Variants in CYP19A1 observed in about 807,000 individuals in gnomAD.
The protein encoded by CYP19A1 is aromatase.
In CYP19A1, 32 loss-of-function variants were observed where a neutral mutation model predicts 44.4. The ratio of observed to expected loss-of-function variants is 0.72; its 90% CI spans 0.54 to 0.97. The LOEUF (loss-of-function observed/expected upper bound fraction) is 0.97, where lower values mean the gene tolerates loss of function less well. Ranked by LOEUF, CYP19A1 falls within the 50% of genes least tolerant of loss-of-function variation. CYP19A1 has a pLI of 0.00. For missense variants in CYP19A1, 598 were observed against 637.8 expected (o/e 0.94, Z 0.67); for synonymous variants, 212 against 215.6 (o/e 0.98, Z 0.14).
intron 1 of CYP19A1, among the ~76,000 whole-genome samples, chr15:51,336,298 G>A (rs1205053171): frequency 6.6e-6 from 1 of 152,178 alleles, no homozygotes; most frequent in African/African-American, 2.4e-5. Flanking sequence ...ACAGTTCCTG[G>A]CAGATAGTAG....
intron 1 of CYP19A1, among the ~76,000 whole-genome samples, chr15:51,262,236 T>C (rs2034751554): frequency 6.6e-6 from 1 of 152,252 alleles, no homozygotes; most frequent in Non-Finnish European, 1.5e-5. Context: ...AGGAATACTT[T>C]TAGTAAATCT....
intron 2 of CYP19A1, among the ~76,000 whole-genome samples, chr15:51,239,411 A>G (rs1452858808): frequency 6.6e-6 from 1 of 152,192 alleles, no homozygotes; most frequent in Non-Finnish European, 1.5e-5. Flanking sequence ...TCAACAGTGG[A>G]ACTGGCAATT....
chr15:51,246,726 C>T (rs1364255549), intron 1 of CYP19A1, among the ~76,000 whole-genome samples: 3 of 152,144 alleles, frequency 2.0e-5, no homozygotes, highest in Non-Finnish European at 4.4e-5. Context: ...GGAGGCAGGC[C>T]CTGGCCTTGT....
In CYP19A1 at chr15:51,294,683, G is replaced by T. The variant is rs560436825; in HGVS notation, c.-39+43812C>A. Among the ~76,000 whole-genome samples, 752 of 128,614 alleles carry T rather than the reference G, an allele frequency of 5.8e-3. 19 individuals are homozygous for T. The highest frequency in any genetic ancestry group is 8.8e-3 in the Non-Finnish European group (557 of 63,108). 84.4% of individuals were successfully genotyped at this position (128,614 alleles called of 152,430 possible). ...CCGCCCCGTCCGGGAGGGAGGTGGGGGGTCAGCCCCCCGCCCGGCCAGCCG... is the reference window on the plus strand; with the variant it reads ...CCGCCCCGTCCGGGAGGGAGGTGGGTGGTCAGCCCCCCGCCCGGCCAGCCG... On this transcript the variant is annotated intron_variant, in intron 1 of 9. Coordinates refer to ENST00000396402, the MANE Select transcript of CYP19A1 (RefSeq NM_000103.4).
At chr15:51,271,739 C>T in intron 1 of CYP19A1, among the ~76,000 whole-genome samples, 1 of 152,250 alleles carries the variant, frequency 6.6e-6, no homozygotes, top group East Asian at 1.9e-4. Context: ...TCTGTGGCTA[C>T]TGCCACTCTT....
At chr15:51,326,135 G>A (rs1384559068) in intron 1 of CYP19A1, among the ~76,000 whole-genome samples, 1 of 152,094 alleles carries the variant, frequency 6.6e-6, no homozygotes, top group African/African-American at 2.4e-5. Flanking sequence ...ATAAGTCAGA[G>A]GTGTCTATAA....
chr15:51,214,440 T>G (rs1444133496), intron 8 of CYP19A1, among the ~76,000 whole-genome samples: 1 of 152,092 alleles, frequency 6.6e-6, no homozygotes, highest in Non-Finnish European at 1.5e-5. Context: ...ATCACTGGAT[T>G]GGAGTGGAGA....
intron 5 of CYP19A1, among the ~76,000 whole-genome samples, chr15:51,220,035 G>A (rs968584090): frequency 6.6e-6 from 1 of 152,192 alleles, no homozygotes; most frequent in Non-Finnish European, 1.5e-5. Flanking sequence ...AATAGGGAGG[G>A]CTTATAGCTT....
chr15:51,247,330 C>G (rs1417651723), intron 1 of CYP19A1, among the ~76,000 whole-genome samples: 1 of 152,190 alleles, frequency 6.6e-6, no homozygotes. Context: ...TCTGTCTTCT[C>G]CATGTCTGAA....
At chr15:51,338,372 TC>T (rs1178520643) in intron 1 of CYP19A1, 122 bp downstream of exon 1, 4 of 152,100 alleles carry the variant, frequency 2.6e-5, no homozygotes, top group Non-Finnish European at 4.4e-5. Context: ...TAGGGGATTT[TC>T]CCCCACACAC....
At chr15:51,323,709 T>C (rs542052573) in intron 1 of CYP19A1, 3 of 152,378 alleles carry the variant, frequency 2.0e-5, no homozygotes, top group Admixed American at 2.0e-4. Context: ...GTCATCTTCA[T>C]CTCAGCCCTG....
At chr15:51,227,611 AGTGAGCCAAGGTC>A (rs1047361088) in intron 4 of CYP19A1, among the ~76,000 whole-genome samples, 155 bp downstream of exon 4, 20 of 152,054 alleles carry the variant, frequency 1.3e-4, no homozygotes, top group Non-Finnish European at 2.5e-4. Flanking sequence ...CGGAGGTTAC[AGTGAGCCAAGGTC>A]GTGAGCCAAG....
At chr15:51,252,470 T>C (rs1453267185) in intron 1 of CYP19A1, among the ~76,000 whole-genome samples, 1 of 152,240 alleles carries the variant, frequency 6.6e-6, no homozygotes, top group Non-Finnish European at 1.5e-5. Context: ...ACAATTTCTC[T>C]TGAAGATTTT....
intron 1 of CYP19A1, chr15:51,318,619 C>T (rs917455619): frequency 3.9e-5 from 6 of 152,254 alleles, no homozygotes; most frequent in African/African-American, 1.4e-4. Context: ...TCCTGGGACT[C>T]TTAGTCTTGG....
At chr15:51,286,310 C>T (rs2035697183) in intron 1 of CYP19A1, among the ~76,000 whole-genome samples, 1 of 152,184 alleles carries the variant, frequency 6.6e-6, no homozygotes, top group Non-Finnish European at 1.5e-5. Context: ...TCTCTTCTAC[C>T]TCTCCACACA....
At chr15:51,289,450 C>A (rs1166156716) in intron 1 of CYP19A1, among the ~76,000 whole-genome samples, 1 of 152,288 alleles carries the variant, frequency 6.6e-6, no homozygotes, top group African/African-American at 2.4e-5. Flanking sequence ...CAGACCCACA[C>A]TCTCACCCAC....
At chr15:51,211,818 T>G (rs1222263032) in intron 9 of CYP19A1, 1 of 308,636 alleles carries the variant, frequency 3.2e-6, no homozygotes, top group African/African-American at 2.2e-5. Flanking sequence ...CTGTCTCTCT[T>G]CTAATTATTA....
chr15:51,299,731 T>A (rs1013109987), intron 1 of CYP19A1, among the ~76,000 whole-genome samples: 1 of 152,216 alleles, frequency 6.6e-6, no homozygotes, highest in African/African-American at 2.4e-5. Context: ...TTATCCTAGC[T>A]TCGATGCTCA....
At chr15:51,302,638 C>G (rs923291421) in intron 1 of CYP19A1, among the ~76,000 whole-genome samples, 1 of 152,202 alleles carries the variant, frequency 6.6e-6, no homozygotes, top group African/African-American at 2.4e-5. Context: ...TCACAGATCA[C>G]AGCCTCAAAC....
Sources: allele counts gnomAD v4.1 joint callset (sites outside exome capture counted in the v4.1 genomes callset), GRCh38; gene constraint gnomAD v4.1.1; transcripts MANE v1.5; gene names NCBI Gene and HGNC (gene_info 2026-07-23, HGNC 2026-07-21).